Variants in KREMEN2 observed in about 807,000 individuals in gnomAD.
KREMEN2 encodes the protein kremen protein 2.
KREMEN2 carries 43 observed loss-of-function variants against 49.8 expected under a neutral mutation model. The observed-to-expected ratio is 0.86, with a 90% CI of 0.68 to 1.11. The LOEUF (loss-of-function observed/expected upper bound fraction) is 1.11, where lower values mean the gene tolerates loss of function less well. KREMEN2 is among the 50% of genes most tolerant of loss of function. KREMEN2 has a pLI of 0.00. For synonymous variants in KREMEN2, 355 were observed against 304.9 expected (o/e 1.16, Z -1.71); for missense variants, 686 against 665.7 (o/e 1.03, Z -0.34).
chr16:2,967,644 G>A, intron 8 of KREMEN2, 40 bp downstream of exon 8: 1 of 1,536,244 alleles, frequency 6.5e-7, no homozygotes, highest in African/African-American at 1.4e-5. Flanking sequence ...CGGACCGGTG[G>A]TGGGGAGCTG....
At position 2,967,262 on chromosome 16, in the gene KREMEN2, G is replaced by T; in HGVS notation, c.973+20G>T. The T allele has an allele frequency of 1.5e-6, 2 of 1,353,428 alleles. No individual in the cohort carries two copies. Among genetic ancestry groups the T allele is most frequent in the Non-Finnish European group, 1.9e-6 (2 of 1,061,400 alleles). 83.8% of individuals were successfully genotyped at this position (1,353,428 alleles called of 1,614,324 possible). On this transcript the variant is annotated intron_variant, in intron 6 of 8. Transcript: ENST00000303746. ...ACCGCGGTGAGCCTCAGCTCGGCGCGCCCTGCCCGCTGTTCCCACCCCGCT... is the reference window on the plus strand; with the variant it reads ...ACCGCGGTGAGCCTCAGCTCGGCGCTCCCTGCCCGCTGTTCCCACCCCGCT...
At chr16:2,967,634 C>T in intron 8 of KREMEN2, 30 bp downstream of exon 8, 1 of 1,532,884 alleles carries the variant, frequency 6.5e-7, no homozygotes, top group Non-Finnish European at 8.7e-7. Context: ...GGCCTGAGGG[C>T]GGACCGGTGG....
In KREMEN2 at chr16:2,967,371, C is replaced by G. The variant is rs1183450793; in HGVS notation, c.1025C>G (p.Thr342Ser). ...DPEAPEGSAQTPAAPLDGANV... is the reference protein window; with the variant it reads ...DPEAPEGSAQSPAAPLDGANV... ...GAGGCCCCCGAGGGCTCGGCCCAGA[C>G]CCCCGCGGCGCCCCTCGACGGGGCC... is the stretch of plus-strand genomic sequence containing the variant. Residue 342 changes from threonine (T) to serine (S), a missense_variant, in exon 7 of 9, where the codon ACC (threonine) becomes AGC (serine). By Grantham distance (58) the Thr-to-Ser change is moderately conservative (BLOSUM62 1). Coordinates refer to ENST00000303746, the MANE Select transcript of KREMEN2 (RefSeq NM_172229.3). The G allele has an allele frequency of 1.4e-6, 2 of 1,405,310 alleles. No homozygotes were observed. The highest frequency in any genetic ancestry group is 5.9e-5 in the East Asian group (2 of 33,860). 87.1% of individuals were successfully genotyped at this position (1,405,310 alleles called of 1,614,324 possible). A position where few individuals can be genotyped will look rare whatever the true frequency, so the allele number is the denominator to read the frequency against.
At position 2,966,029 on chromosome 16, in the gene KREMEN2, G is replaced by A; in HGVS notation, c.270-111G>A. The A allele has an allele frequency of 1.1e-6, 1 of 900,682 alleles. No individual in the cohort carries two copies. 55.8% of individuals were successfully genotyped at this position (900,682 alleles called of 1,614,324 possible). Reference sequence around the variant, plus strand: ...TGGGTGTACAGCAGGCAGCACAGCCGCTCACAGGCACAGAGCCTTGAAGGC... The same window carrying A: ...TGGGTGTACAGCAGGCAGCACAGCCACTCACAGGCACAGAGCCTTGAAGGC... On this transcript the variant is annotated intron_variant, in intron 2 of 8. Coordinates refer to ENST00000303746, the MANE Select transcript of KREMEN2 (RefSeq NM_172229.3). The surrounding 1 kb of genome is among the most constrained non-coding windows in gnomAD (Gnocchi z 8.4).
In KREMEN2 at chr16:2,966,666, G is replaced by T. The variant is rs1434259290; in HGVS notation, c.511G>T (p.Ala171Ser). 4 of 1,610,508 alleles carry T rather than the reference G, an allele frequency of 2.5e-6. No individual in the cohort carries two copies. Among genetic ancestry groups the T allele is most frequent in the Non-Finnish European group, 2.5e-6 (3 of 1,179,910 alleles). The change falls in exon 5 of 9, where the codon GCC becomes TCC. Residue 171 changes from alanine to serine, a missense_variant. Coordinates refer to ENST00000303746, the MANE Select transcript of KREMEN2 (RefSeq NM_172229.3). This position sits in a 1 kb window ranked among gnomAD's most constrained non-coding sequence, Gnocchi z 8.4. ...YQLAGVEAGY[A>S]CFCGSESDLA... ...GCTGGCGGGCGTGGAGGCCGGTTAC[G>T]CCTGCTTCTGTGGCTCTGAAAGCGA...
In KREMEN2 at chr16:2,964,579, C is replaced by T. The variant is rs760062342; in HGVS notation, c.59C>T (p.Pro20Leu). ...LFLLFLPLLQ[P>L]RGASAGSLHS... ...CTCCTCTTCCTCCCGCTGCTGCAGC[C>T]GCGTGGGGCCTCGGCTGGGAGCCTG... The change falls in exon 1 of 9, where the codon CCG (proline) becomes CTG (leucine). Residue 20 changes from proline to leucine, a missense_variant. Coordinates refer to ENST00000303746, the MANE Select transcript of KREMEN2 (RefSeq NM_172229.3). The T allele has an allele frequency of 2.5e-6, 4 of 1,608,254 alleles. No homozygotes were observed. Among genetic ancestry groups the T allele is most frequent in the East Asian group, 2.3e-5 (1 of 44,422 alleles).
At chr16:2,964,756 G>A in intron 1 of KREMEN2, 103 bp from the exon 2 acceptor site, 1 of 1,446,382 alleles carries the variant, frequency 6.9e-7, no homozygotes, top group Non-Finnish European at 9.4e-7. Context: ...TGCAGGGGCG[G>A]GTGCGGGGTC....
rs1466431447 is a variant in KREMEN2 at position 2,966,706 on chromosome 16, G to T, written c.551G>T (p.Arg184Leu). The change falls in exon 5 of 9, where the codon CGC (arginine) becomes CTC (leucine). Residue 184 changes from arginine to leucine, a missense_variant. Physicochemically the swap from Arg to Leu is moderately radical, Grantham distance 102. Transcript: ENST00000303746. This position sits in a 1 kb window ranked among gnomAD's most constrained non-coding sequence, Gnocchi z 8.4. ...TCTGAAAGCGACCTGGCCCGGGGAC[G>T]CCTGGCCCCCGCCACCGACTGTGAC... ...CGSESDLARG[R>L]LAPATDCDQI... The T allele has an allele frequency of 2.5e-6, 4 of 1,611,312 alleles. No homozygotes were observed. The African/African-American group carries it at 4.0e-5, about 16-fold the overall frequency.
Position 2,967,056 on chromosome 16 carries a change from T to C in KREMEN2, c.787T>C (p.Phe263Leu), listed in dbSNP as rs1168467327. 6.5e-7 allele frequency: 1 copy of C among 1,533,310 alleles called. No homozygotes were observed. Among genetic ancestry groups the C allele is most frequent in the Non-Finnish European group, 8.7e-7 (1 of 1,143,210 alleles). The allele number at this position is 1,533,310 out of a possible 1,614,324, so 95.0% of individuals were successfully genotyped here. A position where few individuals can be genotyped will look rare whatever the true frequency, so the allele number is the denominator to read the frequency against. The change falls in exon 6 of 9, where the codon TTC (phenylalanine) becomes CTC (leucine). Residue 263 changes from phenylalanine (F) to leucine (L), a missense_variant. Physicochemically the swap from Phe to Leu is conservative, Grantham distance 22 (BLOSUM62 0). Transcript: ENST00000303746. ...CGCGCTGGAGCTCACCTTCCGCCTC[T>C]TCGAGCTGGCCGACCCGCGCGACCG... The part of the protein sequence containing the change: ...GAALELTFRL[F>L]ELADPRDRLE...
rs2071777661 is a variant in KREMEN2 at position 2,964,481 on chromosome 16, C to A, written c.-40C>A. 1 of 1,467,592 alleles carries A rather than the reference C, an allele frequency of 6.8e-7. No homozygotes were observed. Among genetic ancestry groups the A allele is most frequent in the Non-Finnish European group, 9.2e-7 (1 of 1,089,562 alleles). 90.9% of individuals were successfully genotyped at this position (1,467,592 alleles called of 1,614,324 possible). A position where few individuals can be genotyped will look rare whatever the true frequency, so the allele number is the denominator to read the frequency against. ...GAAGCGACCCCGGGGGCAGCCCGGG[C>A]CGTGTCCGGGCGAGGGTGACCTATC... is the stretch of plus-strand genomic sequence containing the variant. On this transcript the variant is annotated 5_prime_UTR_variant, in exon 1 of 9. Transcript: ENST00000303746.
Position 2,967,837 on chromosome 16 carries a change from G to GC in KREMEN2, c.1211dup (p.Ala405GlyfsTer34). 6.4e-7 allele frequency: 1 copy of GC among 1,551,248 alleles called. No individual in the cohort carries two copies. Among genetic ancestry groups the GC allele is most frequent in the South Asian group, 1.2e-5 (1 of 84,180 alleles). ...GCTGTCTGCTGGCTCCGGGAAAAGGGCCCCCGGCGCTGGGGGCTTCCAGGG... is the reference window on the plus strand; with the variant it reads ...GCTGTCTGCTGGCTCCGGGAAAAGGGCCCCCCGGCGCTGGGGGCTTCCAGGG... On this transcript the variant is annotated frameshift_variant, in exon 9 of 9. Transcript: ENST00000303746. LOFTEE classifies it high-confidence loss of function.
At chr16:2,965,545 G>A (rs1295667391) in intron 2 of KREMEN2, among the ~76,000 whole-genome samples, 1 of 152,168 alleles carries the variant, frequency 6.6e-6, no homozygotes, top group Non-Finnish European at 1.5e-5. Context: ...CAAGGCAGGC[G>A]GATCATCTGA....
chr16:2,967,658 C>T (rs544471729), intron 8 of KREMEN2, 54 bp downstream of exon 8: 1 of 1,538,938 alleles, frequency 6.5e-7, no homozygotes, highest in Non-Finnish European at 8.7e-7. Context: ...GGAGCTGGAG[C>T]CCCAGAAGGG....
In KREMEN2 at chr16:2,966,674, C is replaced by T; in HGVS notation, c.519C>T (p.Phe173=). The T allele has an allele frequency of 1.2e-6, 2 of 1,611,204 alleles. No homozygotes were observed. The highest frequency in any genetic ancestry group is 1.7e-6 in the Non-Finnish European group (2 of 1,179,922). The part of the protein sequence containing the change: ...LAGVEAGYAC[F]CGSESDLARG... ...GCGTGGAGGCCGGTTACGCCTGCTT[C>T]TGTGGCTCTGAAAGCGACCTGGCCC... is the stretch of plus-strand genomic sequence containing the variant. Residue 173 remains phenylalanine (F), a synonymous_variant, in exon 5 of 9, where the codon TTC becomes TTT. Coordinates refer to ENST00000303746, the MANE Select transcript of KREMEN2 (RefSeq NM_172229.3). The surrounding 1 kb of genome is among the most constrained non-coding windows in gnomAD (Gnocchi z 8.4).
chr16:2,967,047 T>C lies in KREMEN2; in HGVS notation c.778T>C (p.Phe260Leu). Residue 260 changes from phenylalanine (F) to leucine (L), a missense_variant, in exon 6 of 9, where the codon TTC becomes CTC. By Grantham distance (22) the Phe-to-Leu change is conservative. Transcript: ENST00000303746. Reference protein sequence around the residue: ...GPPGAALELTFRLFELADPRD... With the variant: ...GPPGAALELTLRLFELADPRD... ...GCCAGGCGCCGCGCTGGAGCTCACC[T>C]TCCGCCTCTTCGAGCTGGCCGACCC... The C allele has an allele frequency of 1.3e-6, 2 of 1,537,484 alleles. No individual in the cohort carries two copies. The highest frequency in any genetic ancestry group is 1.7e-6 in the Non-Finnish European group (2 of 1,144,236).
At position 2,966,716 on chromosome 16, in the gene KREMEN2, C is replaced by A. The variant is rs142663539; in HGVS notation, c.561C>A (p.Pro187=). Residue 187 remains proline, a synonymous_variant, in exon 5 of 9, where the codon CCC becomes CCA. Transcript: ENST00000303746. The surrounding 1 kb of genome is among the most constrained non-coding windows in gnomAD (Gnocchi z 8.4). ...ESDLARGRLA[P]ATDCDQICFG... ...ACCTGGCCCGGGGACGCCTGGCCCC[C>A]GCCACCGACTGTGACCAGATCTGTT... The A allele has an allele frequency of 1.9e-6, 3 of 1,611,754 alleles. No individual in the cohort carries two copies. Among genetic ancestry groups the A allele is most frequent in the Non-Finnish European group, 2.5e-6 (3 of 1,179,886 alleles).
At chr16:2,967,284 C>G in intron 6 of KREMEN2, 36 bp from the exon 7 acceptor site, 5 of 1,365,362 alleles carry the variant, frequency 3.7e-6, no homozygotes, top group South Asian at 3.5e-5. Context: ...GTTCCCACCC[C>G]GCTCTCCCCA....
At position 2,966,883 on chromosome 16, in the gene KREMEN2, G is replaced by A. The variant is rs1436204050; in HGVS notation, c.641-27G>A. ...GGAGCCGCCGTGTCCTGGTCCTCAG[G>A]ATGCTGACTGCCGGCCCCGCCCGCA... On this transcript the variant is annotated intron_variant, in intron 5 of 8. Coordinates refer to ENST00000303746, the MANE Select transcript of KREMEN2 (RefSeq NM_172229.3). This position sits in a 1 kb window ranked among gnomAD's most constrained non-coding sequence, Gnocchi z 8.4. 1.3e-6 allele frequency: 2 copies of A among 1,554,018 alleles called. No homozygotes were observed. The highest frequency in any genetic ancestry group is 2.4e-5 in the South Asian group (2 of 84,398).
At position 2,966,410 on chromosome 16, in the gene KREMEN2, C is replaced by A; in HGVS notation, c.447C>A (p.Val149=). ...GPSGTSTKLT[V]QVCLRFCRMK... Reference sequence around the variant, plus strand: ...GCGGCACCTCCACGAAGCTCACGGTCCAGGTGTGCCTACGCTTCTGCCGCA... The same window carrying A: ...GCGGCACCTCCACGAAGCTCACGGTACAGGTGTGCCTACGCTTCTGCCGCA... Residue 149 remains valine (V), a synonymous_variant, in exon 4 of 9, where the codon GTC becomes GTA. Coordinates refer to ENST00000303746, the MANE Select transcript of KREMEN2 (RefSeq NM_172229.3). This position sits in a 1 kb window ranked among gnomAD's most constrained non-coding sequence, Gnocchi z 8.4. The A allele has an allele frequency of 6.2e-7, 1 of 1,611,222 alleles. No individual in the cohort carries two copies.
Sources: allele counts gnomAD v4.1 joint callset (sites outside exome capture counted in the v4.1 genomes callset), GRCh38; gene constraint gnomAD v4.1.1; non-coding constraint Gnocchi (gnomAD v3.1); transcripts MANE v1.5; gene names NCBI Gene and HGNC (gene_info 2026-07-23, HGNC 2026-07-21).